The following SPPL3 variants were observed in gnomAD, a reference collection of about 807,000 sequenced individuals.
The protein encoded by SPPL3 is signal peptide peptidase-like 3.
SPPL3 carries 5 observed loss-of-function variants against 42.4 expected under a neutral mutation model. That is an observed-to-expected ratio of 0.12 (90% CI 0.06 to 0.25). The LOEUF is 0.25. SPPL3 is among the 10% of genes least tolerant of loss of function. The probability of loss-of-function intolerance (pLI) is 1.00; values close to 1 mark genes in which losing one functional copy is unlikely to be tolerated. For synonymous variants in SPPL3, 195 were observed against 181.8 expected (o/e 1.07, Z -0.58); for missense variants, 235 against 489.0 (o/e 0.48, Z 4.90).
At chr12:120,771,372 T>C (rs1433757544) in intron 6 of SPPL3, among the ~76,000 whole-genome samples, 3 of 152,206 alleles carry the variant, frequency 2.0e-5, no homozygotes, top group African/African-American at 7.2e-5. Context: ...CTGCATTTAC[T>C]GTGCCCTCTG....
intron 1 of SPPL3, among the ~76,000 whole-genome samples, chr12:120,842,028 T>C (rs1871849486): frequency 6.6e-6 from 1 of 152,188 alleles, no homozygotes. Context: ...TGCCCCAATA[T>C]TTGTTGAAAT....
chr12:120,813,380 C>T (rs1292805490), intron 1 of SPPL3, among the ~76,000 whole-genome samples: 5 of 149,928 alleles, frequency 3.3e-5, no homozygotes, highest in African/African-American at 9.9e-5. Flanking sequence ...TGCAATGGCA[C>T]GATCTCGGCT....
chr12:120,784,365 A>C, intron 4 of SPPL3, 109 bp downstream of exon 4: 1 of 1,203,344 alleles, frequency 8.3e-7, no homozygotes, highest in South Asian at 1.7e-5. Context: ...AAGATTTATA[A>C]GGAAAAACTT....
chr12:120,897,729 T>A (rs1873853086), intron 1 of SPPL3, among the ~76,000 whole-genome samples: 2 of 151,970 alleles, frequency 1.3e-5, no homozygotes, highest in African/African-American at 2.4e-5. Flanking sequence ...TCTCAAAAAA[T>A]AATAATAATA....
chr12:120,765,090 C>T lies in SPPL3; in HGVS notation c.1084-20G>A. The T allele has an allele frequency of 6.2e-7, 1 of 1,612,012 alleles. No homozygotes were observed. Among genetic ancestry groups the T allele is most frequent in the Non-Finnish European group, 8.5e-7 (1 of 1,179,086 alleles). ...GTCGCCCTGGGAAACAAGGGACTTT[C>T]TAAGTTACAGATTTAAACATGAGGC... On this transcript the variant is annotated intron_variant, in intron 10 of 10. Coordinates refer to ENST00000353487, the MANE Select transcript of SPPL3 (RefSeq NM_139015.5).
At chr12:120,827,529 G>A (rs988660574) in intron 1 of SPPL3, among the ~76,000 whole-genome samples, 9 of 152,054 alleles carry the variant, frequency 5.9e-5, no homozygotes, top group Non-Finnish European at 1.3e-4. Flanking sequence ...GCAGAGAGAT[G>A]AACTAGTTTG....
chr12:120,854,019 C>T (rs1043930625), intron 1 of SPPL3, among the ~76,000 whole-genome samples: 4 of 143,552 alleles, frequency 2.8e-5, no homozygotes, highest in African/African-American at 7.8e-5. Flanking sequence ...CACACACACA[C>T]ACACACGGGG....
intron 1 of SPPL3, among the ~76,000 whole-genome samples, chr12:120,845,909 T>TCTATCTA (rs1872021927): frequency 6.8e-6 from 1 of 148,060 alleles, no homozygotes; most frequent in African/African-American, 2.5e-5. Flanking sequence ...TATCTATCTA[T>TCTATCTA]TTTTTTGAGG....
At chr12:120,881,516 T>C (rs1401319153) in intron 1 of SPPL3, among the ~76,000 whole-genome samples, 3 of 142,364 alleles carry the variant, frequency 2.1e-5, no homozygotes, top group Non-Finnish European at 3.0e-5. Flanking sequence ...AAATTAAATG[T>C]TGAATTGCCA....
chr12:120,897,082 G>A (rs1873830564), intron 1 of SPPL3, among the ~76,000 whole-genome samples: 1 of 152,058 alleles, frequency 6.6e-6, no homozygotes. Flanking sequence ...TGAATGATGA[G>A]AACTAATTTA....
At chr12:120,886,431 G>C (rs568344202) in intron 1 of SPPL3, among the ~76,000 whole-genome samples, 5 of 152,334 alleles carry the variant, frequency 3.3e-5, no homozygotes, top group African/African-American at 1.2e-4. Context: ...CAAGTGAGCT[G>C]TGTGGTTAGG....
At chr12:120,821,640 G>C (rs746269207) in intron 1 of SPPL3, among the ~76,000 whole-genome samples, 2 of 152,148 alleles carry the variant, frequency 1.3e-5, no homozygotes, top group Admixed American at 6.5e-5. Context: ...AAAAATCTAT[G>C]TTAACATGCT....
At chr12:120,806,774 G>A (rs1161641927) in intron 2 of SPPL3, among the ~76,000 whole-genome samples, 1 of 151,734 alleles carries the variant, frequency 6.6e-6, no homozygotes, top group Non-Finnish European at 1.5e-5. Context: ...GTGAAGCCGG[G>A]AGGCAGAGCT....
At chr12:120,767,343 T>G (rs1174120498) in intron 9 of SPPL3, 51 bp downstream of exon 9, 1 of 1,574,500 alleles carries the variant, frequency 6.4e-7, no homozygotes, top group South Asian at 1.1e-5. Context: ...ATTCCAAAGG[T>G]TGGAGGACAG....
intron 1 of SPPL3, among the ~76,000 whole-genome samples, chr12:120,824,623 T>C (rs953389479): frequency 6.6e-5 from 10 of 152,166 alleles, no homozygotes; most frequent in Non-Finnish European, 1.5e-5. Context: ...TTGACCTCCT[T>C]GGGCTCAGGT....
At chr12:120,865,055 T>C (rs901125466) in intron 1 of SPPL3, among the ~76,000 whole-genome samples, 4 of 152,102 alleles carry the variant, frequency 2.6e-5, no homozygotes, top group African/African-American at 9.7e-5. Context: ...TATATAAAGG[T>C]TTGACCTTGA....
chr12:120,812,826 G>T (rs1228513676), intron 1 of SPPL3, among the ~76,000 whole-genome samples: 2 of 152,086 alleles, frequency 1.3e-5, no homozygotes, highest in African/African-American at 4.8e-5. Context: ...TGTAAAATGG[G>T]GAATGACAAC....
intron 1 of SPPL3, among the ~76,000 whole-genome samples, chr12:120,890,371 C>T (rs957159268): frequency 1.3e-5 from 2 of 152,018 alleles, no homozygotes; most frequent in Admixed American, 6.6e-5. Context: ...GGGCAGATCA[C>T]GAGGTCAAGA....
intron 2 of SPPL3, among the ~76,000 whole-genome samples, chr12:120,809,894 C>A (rs145550613): frequency 3.3e-5 from 5 of 152,174 alleles, no homozygotes; most frequent in African/African-American, 9.6e-5. Context: ...GATGTCAAGC[C>A]TTTGGATTAA....
Sources: gnomAD v4.1 joint callset for allele counts (sites outside exome capture counted in the v4.1 genomes callset) on GRCh38, gnomAD v4.1.1 for gene constraint, MANE v1.5 for transcripts, NCBI Gene and HGNC (gene_info 2026-07-23, HGNC 2026-07-21) for gene names.